The following ZMIZ1 variants were observed in gnomAD, a reference collection of about 807,000 sequenced individuals.
ZMIZ1 encodes zinc finger MIZ-type containing 1, also known as zinc finger MIZ domain-containing protein 1.
A neutral mutation model predicts 113.9 loss-of-function variants in ZMIZ1; 17 were observed. The observed-to-expected ratio is 0.15, with a 90% confidence interval of 0.10 to 0.22. The LOEUF (loss-of-function observed/expected upper bound fraction) is 0.22. ZMIZ1 is among the 10% of genes least tolerant of loss of function. ZMIZ1 has a pLI of 1.00. For missense variants in ZMIZ1, 1,059 were observed against 1,477.8 expected, an observed-to-expected ratio of 0.72 and a Z score of 4.65; for synonymous variants, 607 against 603.1, an observed-to-expected ratio of 1.01 and a Z score of -0.09.
Position 79,197,635 on chromosome 10 carries a change from C to CACACAT in ZMIZ1, c.-49-3944_-49-3943insTACACA, listed in dbSNP as rs1391291637. ...ATACACACACACACACACACACACACACACACACCTGTACCCTGTCCCCTC... is the reference window on the plus strand; with the variant it reads ...ATACACACACACACACACACACACACACACATACACACACCTGTACCCTGTCCCCTC... On this transcript the variant is annotated intron_variant, in intron 4 of 24. Coordinates refer to ENST00000334512, the MANE Select transcript of ZMIZ1 (RefSeq NM_020338.4). 7.0e-5 allele frequency among the ~76,000 whole-genome samples: 10 copies of CACACAT among 142,124 alleles called. No homozygotes were observed. In the East Asian group the frequency reaches 1.8e-3, roughly 26 times the overall value. The allele number at this position is 142,124 out of a possible 152,430, so 93.2% of individuals were successfully genotyped here.
intron 7 of ZMIZ1, among the ~76,000 whole-genome samples, chr10:79,259,036 G>T (rs1467784493): frequency 6.6e-6 from 1 of 152,184 alleles, no homozygotes. Flanking sequence ...AGGGGAGGAA[G>T]CGCCCAGCCA....
chr10:79,298,534 C>A lies in ZMIZ1; in HGVS notation c.1620C>A (p.Phe540Leu), dbSNP rs1302179968. ...CCAGCCAAGACGTCAAACCACCCTT[C>A]CCGCCTGACATCAAGCCAAATATGA... is the stretch of plus-strand genomic sequence containing the variant. ...LSPSQDVKPP[F>L]PPDIKPNMSA... Residue 540 changes from phenylalanine (F) to leucine (L), a missense_variant, in exon 15 of 25, where the codon TTC (phenylalanine) becomes TTA (leucine). By Grantham distance (22) the Phe-to-Leu change is conservative. This residue lies in a region of ZMIZ1 where 239 missense variants were observed against 247.5 expected (regional missense o/e 0.97). Transcript: ENST00000334512. 6.2e-7 allele frequency: 1 copy of A among 1,602,274 alleles called. No homozygotes were observed. The highest frequency in any genetic ancestry group is 1.7e-5 in the Admixed American group (1 of 58,282).
intron 4 of ZMIZ1, among the ~76,000 whole-genome samples, chr10:79,170,607 A>AG (rs1846555897): frequency 6.6e-6 from 1 of 152,184 alleles, no homozygotes; most frequent in Non-Finnish European, 1.5e-5. Flanking sequence ...ACCTACTGGG[A>AG]GGTAGGGCGG....
intron 1 of ZMIZ1, among the ~76,000 whole-genome samples, chr10:79,096,125 T>C (rs1244499218): frequency 6.6e-6 from 1 of 152,116 alleles, no homozygotes; most frequent in Non-Finnish European, 1.5e-5. Context: ...TGAAGGTTGC[T>C]GGAGAAAGGA....
intron 2 of ZMIZ1, among the ~76,000 whole-genome samples, chr10:79,124,564 T>A (rs1844433890): frequency 6.6e-6 from 1 of 152,248 alleles, no homozygotes; most frequent in African/African-American, 2.4e-5. Flanking sequence ...GGCCCTGGTA[T>A]CCAATAGTGA....
intron 18 of ZMIZ1, among the ~76,000 whole-genome samples, chr10:79,303,070 C>T (rs1192817564): frequency 6.6e-6 from 1 of 151,928 alleles, no homozygotes; most frequent in African/African-American, 2.4e-5. Flanking sequence ...CCGTGTTAGC[C>T]AGGATGGTCA....
In ZMIZ1 at chr10:79,204,513, C is replaced by G. The variant is rs145872873; in HGVS notation, c.60+2821C>G. ...ACCCCATCCCTGAGCTTGAACACTT[C>G]CTGGGCACCCAGCTGTCTCACCTAC... On this transcript the variant is annotated intron_variant, in intron 5 of 24. Transcript: ENST00000334512. Among the ~76,000 whole-genome samples the G allele has an allele frequency of 5.6e-3, 851 of 152,324 alleles. 4 individuals are homozygous for G. The highest frequency in any genetic ancestry group is 0.019 in the African/African-American group (801 of 41,564).
At chr10:79,150,563 C>A (rs1169141755) in intron 3 of ZMIZ1, among the ~76,000 whole-genome samples, 1 of 152,214 alleles carries the variant, frequency 6.6e-6, no homozygotes, top group Non-Finnish European at 1.5e-5. Context: ...GGATCCTCCA[C>A]CAACCTGCTG....
chr10:79,174,037 C>G (rs992066174), intron 4 of ZMIZ1, among the ~76,000 whole-genome samples: 4 of 152,200 alleles, frequency 2.6e-5, no homozygotes, highest in Non-Finnish European at 4.4e-5. Context: ...CTCCCAAGGG[C>G]TCTTGCTCAT....
chr10:79,309,435 A>G (rs1423415095), intron 23 of ZMIZ1, among the ~76,000 whole-genome samples: 3 of 152,156 alleles, frequency 2.0e-5, no homozygotes, highest in African/African-American at 7.2e-5. Flanking sequence ...CTGGCCTCTC[A>G]CTGACCATGG....
At chr10:79,291,860 A>G (rs77762303) in intron 10 of ZMIZ1, among the ~76,000 whole-genome samples, 1,523 of 152,282 alleles carry the variant, frequency 0.01, 20 homozygotes, top group Non-Finnish European at 0.017. Flanking sequence ...TCCGCCATCA[A>G]TGCTGCAGGG....
At chr10:79,115,163 C>T (rs1843967778) in intron 1 of ZMIZ1, among the ~76,000 whole-genome samples, 2 of 152,156 alleles carry the variant, frequency 1.3e-5, no homozygotes, top group Admixed American at 6.5e-5. Flanking sequence ...TTGCATGCCT[C>T]TGGGAATGAG....
chr10:79,207,222 C>G (rs1055154586), intron 5 of ZMIZ1, among the ~76,000 whole-genome samples: 1 of 152,190 alleles, frequency 6.6e-6, no homozygotes, highest in African/African-American at 2.4e-5. Flanking sequence ...GGCTCCTGTT[C>G]TGTTGTTTCT....
At chr10:79,218,295 G>A (rs746304792) in intron 7 of ZMIZ1, among the ~76,000 whole-genome samples, 2 of 152,120 alleles carry the variant, frequency 1.3e-5, no homozygotes, top group African/African-American at 4.8e-5. Flanking sequence ...GTAACATGGC[G>A]AAACCCCATA....
intron 22 of ZMIZ1, 152 bp downstream of exon 22, chr10:79,306,496 C>T: frequency 1.5e-6 from 2 of 1,374,776 alleles, no homozygotes; most frequent in South Asian, 2.8e-5. Context: ...TCCCAGTTTG[C>T]TAGACTTGAG....
At chr10:79,230,945 G>C (rs1314804675) in intron 7 of ZMIZ1, among the ~76,000 whole-genome samples, 1 of 152,226 alleles carries the variant, frequency 6.6e-6, no homozygotes, top group African/African-American at 2.4e-5. Flanking sequence ...ATGGGTCAAG[G>C]CCCAGGGTGT....
intron 9 of ZMIZ1, among the ~76,000 whole-genome samples, chr10:79,290,574 C>G (rs12265038): frequency 0.036 from 5,533 of 152,282 alleles, 328 homozygotes; most frequent in African/African-American, 0.12. Context: ...TGACAAGACG[C>G]TGGCATCCAG....
chr10:79,112,507 C>CA (rs1316210733), intron 1 of ZMIZ1, among the ~76,000 whole-genome samples: 3 of 152,122 alleles, frequency 2.0e-5, no homozygotes, highest in Admixed American at 2.0e-4. Flanking sequence ...GCTCTGTGGA[C>CA]ACGCCGCCTG....
chr10:79,311,304 G>GGGGGGGGT, intron 24 of ZMIZ1, 120 bp downstream of exon 24: 3 of 359,152 alleles, frequency 8.4e-6, no homozygotes, highest in East Asian at 7.5e-5. Context: ...TGGGCGGTGG[G>GGGGGGGGT]AGGGCTTCAC....
Sources: allele counts gnomAD v4.1 joint callset (sites outside exome capture counted in the v4.1 genomes callset), GRCh38; gene constraint gnomAD v4.1.1; regional missense constraint gnomAD v4.1.1; transcripts MANE v1.5; gene names NCBI Gene and HGNC (gene_info 2026-07-23, HGNC 2026-07-21).